Variants in RBFOX1 observed in about 807,000 individuals in gnomAD.
RBFOX1 encodes RNA binding protein fox-1 homolog 1.
A neutral mutation model predicts 57.7 loss-of-function variants in RBFOX1; 8 were observed. The observed-to-expected ratio is 0.14, with a 90% CI of 0.08 to 0.25. RBFOX1 has a LOEUF of 0.25. Ranked by LOEUF, RBFOX1 falls within the 10% of genes least tolerant of loss-of-function variation. The pLI, the probability that RBFOX1 is intolerant of heterozygous loss-of-function variation, is 1.00. For synonymous variants in RBFOX1, 326 were observed against 222.4 expected (o/e 1.47, Z -4.15); for missense variants, 611 against 548.5 (o/e 1.11, Z -1.14).
At chr16:6,073,050 C>G (rs1002985989) in intron 1 of RBFOX1, among the ~76,000 whole-genome samples, 1 of 152,192 alleles carries the variant, frequency 6.6e-6, no homozygotes, top group African/African-American at 2.4e-5. Context: ...ATCTCAGACA[C>G]ATTTTGTGAC....
rs538611735 is a variant in RBFOX1 at position 6,943,682 on chromosome 16, T to G, written c.-15-108375T>G. On this transcript the variant is annotated intron_variant, in intron 3 of 15. Transcript: ENST00000550418. Reference sequence around the variant, plus strand: ...AAGATTGCGTCACTGCACTCCAGCCTGGGCGAGAGAGTGAGACTCTGTCTT... The same window carrying G: ...AAGATTGCGTCACTGCACTCCAGCCGGGGCGAGAGAGTGAGACTCTGTCTT... Among the ~76,000 whole-genome samples the G allele has an allele frequency of 1.7e-3, 255 of 147,358 alleles. 1 individual carries two copies. Among genetic ancestry groups the G allele is most frequent in the African/African-American group, 6.1e-3 (240 of 39,124 alleles).
intron 3 of RBFOX1, among the ~76,000 whole-genome samples, chr16:6,691,746 T>G (rs2060242502): frequency 6.6e-6 from 1 of 152,210 alleles, no homozygotes; most frequent in African/African-American, 2.4e-5. Flanking sequence ...CAAGGAATTT[T>G]GCAGATATGA....
At chr16:5,527,630 C>T (rs2044297172) in intron 2 of RBFOX1, among the ~76,000 whole-genome samples, 1 of 152,314 alleles carries the variant, frequency 6.6e-6, no homozygotes. Context: ...TCCTCCCTGT[C>T]TTCCCATTGG....
intron 2 of RBFOX1, among the ~76,000 whole-genome samples, chr16:6,627,090 T>G (rs1325491259): frequency 6.6e-6 from 1 of 152,210 alleles, no homozygotes; most frequent in African/African-American, 2.4e-5. Flanking sequence ...CTAAAATCCA[T>G]GGCCGCTGAA....
chr16:6,977,475 G>C (rs940203015), intron 3 of RBFOX1, among the ~76,000 whole-genome samples: 1 of 151,990 alleles, frequency 6.6e-6, no homozygotes, highest in African/African-American at 2.4e-5. Context: ...CTGACTTCCT[G>C]AGAATGCAGC....
intron 4 of RBFOX1, among the ~76,000 whole-genome samples, chr16:7,141,074 C>T (rs1035822767): frequency 1.4e-4 from 22 of 152,104 alleles, no homozygotes; most frequent in African/African-American, 4.1e-4. Flanking sequence ...AACCTCCTGA[C>T]GATGAGCTGG....
intron 4 of RBFOX1, among the ~76,000 whole-genome samples, chr16:7,328,240 G>C (rs1224442013): frequency 6.6e-6 from 1 of 152,070 alleles, no homozygotes; most frequent in Non-Finnish European, 1.5e-5. Context: ...CCAGCACTTT[G>C]GGAGGCTGCG....
intron 2 of RBFOX1, among the ~76,000 whole-genome samples, chr16:6,329,519 G>C (rs533038316): frequency 6.6e-6 from 1 of 152,286 alleles, no homozygotes; most frequent in African/African-American, 2.4e-5. Flanking sequence ...GGGACTGTAA[G>C]TCTCATCAAA....
intron 2 of RBFOX1, among the ~76,000 whole-genome samples, chr16:5,538,767 C>T (rs953475588): frequency 6.6e-6 from 1 of 152,044 alleles, no homozygotes; most frequent in African/African-American, 2.4e-5. Context: ...GCTGGGACTA[C>T]AGGCACGCAC....
intron 3 of RBFOX1, among the ~76,000 whole-genome samples, chr16:6,801,989 G>A (rs74007069): frequency 0.029 from 4,336 of 151,948 alleles, 197 homozygotes; most frequent in African/African-American, 0.097. Flanking sequence ...ATCTTGTCTC[G>A]TGCTAATCAT....
intron 3 of RBFOX1, among the ~76,000 whole-genome samples, chr16:6,846,650 C>T (rs1046149564): frequency 6.6e-6 from 1 of 152,160 alleles, no homozygotes; most frequent in Non-Finnish European, 1.5e-5. Flanking sequence ...AGTTGAGCAT[C>T]TACAGACGTC....
chr16:6,874,578 G>C (rs1167257633), intron 3 of RBFOX1, among the ~76,000 whole-genome samples: 3 of 150,962 alleles, frequency 2.0e-5, no homozygotes, highest in Admixed American at 2.0e-4. Context: ...TGGAGTGAGA[G>C]GCCGTTATTG....
intron 1 of RBFOX1, among the ~76,000 whole-genome samples, chr16:6,172,613 A>G (rs570806607): frequency 6.6e-6 from 1 of 152,194 alleles, no homozygotes; most frequent in African/African-American, 2.4e-5. Context: ...TCCTGAGTTC[A>G]AGTTCTGTCC....
At chr16:6,980,921 T>C (rs116824815) in intron 3 of RBFOX1, among the ~76,000 whole-genome samples, 7,347 of 151,372 alleles carry the variant, frequency 0.049, 231 homozygotes, top group South Asian at 0.13. Flanking sequence ...TGTGTGCTTG[T>C]AATCCCAATT....
At chr16:6,337,417 G>A (rs991847245) in intron 2 of RBFOX1, among the ~76,000 whole-genome samples, 3 of 152,164 alleles carry the variant, frequency 2.0e-5, no homozygotes, top group African/African-American at 7.2e-5. Context: ...ACCCAAACCA[G>A]AACAAACCTC....
At chr16:5,988,915 T>C (rs995308157) in intron 4 of RBFOX1, among the ~76,000 whole-genome samples, 1 of 152,158 alleles carries the variant, frequency 6.6e-6, no homozygotes. Flanking sequence ...GCTCTGGCTT[T>C]AGATGGGCAT....
At chr16:5,319,708 A>G (rs2151245215) in intron 1 of RBFOX1, among the ~76,000 whole-genome samples, 1 of 152,338 alleles carries the variant, frequency 6.6e-6, no homozygotes, top group East Asian at 1.9e-4. Context: ...TAGAGGCTGC[A>G]ATCACAACTC....
intron 4 of RBFOX1, among the ~76,000 whole-genome samples, chr16:5,952,193 C>G (rs1286344190): frequency 6.6e-6 from 1 of 151,506 alleles, no homozygotes; most frequent in Non-Finnish European, 1.5e-5. Flanking sequence ...CTCTGTTTCC[C>G]TGGCTGGAGT....
intron 4 of RBFOX1, among the ~76,000 whole-genome samples, chr16:7,375,655 C>G (rs1488681778): frequency 6.6e-6 from 1 of 152,054 alleles, no homozygotes; most frequent in Non-Finnish European, 1.5e-5. Context: ...GAAAGTCATT[C>G]TGTGTGACAA....
Sources: allele counts gnomAD v4.1 joint callset (sites outside exome capture counted in the v4.1 genomes callset), GRCh38; gene constraint gnomAD v4.1.1; transcripts MANE v1.5; gene names NCBI Gene and HGNC (gene_info 2026-07-23, HGNC 2026-07-21).